CTNNA3: variants seen among roughly 807,000 people sequenced by gnomAD.
The protein encoded by CTNNA3 is catenin alpha-3.
Under a neutral mutation model 95.7 loss-of-function variants are expected in CTNNA3, and 76 were observed. That is an observed-to-expected ratio of 0.79 (90% confidence interval 0.66 to 0.96). CTNNA3 has a LOEUF of 0.96. Ranked by LOEUF, CTNNA3 falls within the 40% of genes least tolerant of loss-of-function variation. The pLI is 0.00. For synonymous variants in CTNNA3, 431 were observed against 374.4 expected (o/e 1.15, Z -1.74); for missense variants, 1,191 against 1,089.8 (o/e 1.09, Z -1.31).
intron 7 of CTNNA3, among the ~76,000 whole-genome samples, chr10:67,020,147 A>C (rs941320755): frequency 2.6e-5 from 4 of 152,210 alleles, no homozygotes; most frequent in African/African-American, 9.6e-5. Flanking sequence ...GGACAGAATT[A>C]TAGTATTTTT....
At chr10:67,599,709 T>G (rs1298364933) in intron 3 of CTNNA3, among the ~76,000 whole-genome samples, 1 of 152,186 alleles carries the variant, frequency 6.6e-6, no homozygotes, top group Non-Finnish European at 1.5e-5. Flanking sequence ...ACAAATTTAA[T>G]AAAATATGTG....
At chr10:66,809,469 T>G (rs1841789318) in intron 7 of CTNNA3, among the ~76,000 whole-genome samples, 1 of 152,206 alleles carries the variant, frequency 6.6e-6, no homozygotes, top group Admixed American at 6.5e-5. Flanking sequence ...TTCTTGGATC[T>G]GGGATCCTCA....
intron 5 of CTNNA3, among the ~76,000 whole-genome samples, chr10:67,331,646 A>T (rs928646232): frequency 6.6e-6 from 1 of 152,164 alleles, no homozygotes; most frequent in Non-Finnish European, 1.5e-5. Context: ...TTGGTAGCAG[A>T]GTGAGATGAA....
At chr10:67,456,827 C>A (rs555112061) in intron 5 of CTNNA3, among the ~76,000 whole-genome samples, 7 of 152,032 alleles carry the variant, frequency 4.6e-5, no homozygotes, top group African/African-American at 7.2e-5. Context: ...ACTTTTTAAC[C>A]CGTAAAATAA....
At chr10:66,843,243 A>C (rs1324019860) in intron 7 of CTNNA3, among the ~76,000 whole-genome samples, 101 of 152,158 alleles carry the variant, frequency 6.6e-4, no homozygotes, top group Non-Finnish European at 5.9e-5. Flanking sequence ...TTACGGGCTC[A>C]CGATCACAGG....
rs535405782 is a variant in CTNNA3, at chr10:65,970,484, T to C, written c.2266-3738A>G. 3.3e-5 allele frequency among the ~76,000 whole-genome samples: 5 copies of C among 152,016 alleles called. No homozygotes were observed. In the South Asian group the frequency reaches 6.2e-4, roughly 19 times the overall value. The stretch of plus-strand genomic sequence containing the variant: ...CACTTAAAAGGCACAGAGTGGCAAG[T>C]TGGATAGAATAACAACATCCATTCA... On this transcript the variant is annotated intron_variant, in intron 16 of 17. Coordinates refer to ENST00000433211, the MANE Select transcript of CTNNA3 (RefSeq NM_013266.4).
chr10:66,428,279 C>T (rs759986607), intron 11 of CTNNA3, among the ~76,000 whole-genome samples: 1 of 152,132 alleles, frequency 6.6e-6, no homozygotes, highest in Non-Finnish European at 1.5e-5. Context: ...TACAAAGAGA[C>T]TTAGACTCCC....
At chr10:67,691,471 A>C (rs1840851063) in intron 1 of CTNNA3, among the ~76,000 whole-genome samples, 2 of 143,418 alleles carry the variant, frequency 1.4e-5, no homozygotes, top group Non-Finnish European at 3.1e-5. Context: ...GGCCACCATC[A>C]CATCTGGGAA....
chr10:66,407,050 C>T (rs2093063074), intron 11 of CTNNA3, among the ~76,000 whole-genome samples: 1 of 152,040 alleles, frequency 6.6e-6, no homozygotes, highest in African/African-American at 2.4e-5. Context: ...TCCTCTGATA[C>T]TAATAAATGC....
chr10:67,514,322 A>C (rs1035787820), intron 5 of CTNNA3, among the ~76,000 whole-genome samples: 4 of 152,070 alleles, frequency 2.6e-5, no homozygotes, highest in Non-Finnish European at 5.9e-5. Context: ...AAATAAAATA[A>C]AACAGTTAGG....
At chr10:66,479,250 A>T (rs1297498737) in intron 11 of CTNNA3, among the ~76,000 whole-genome samples, 3 of 151,788 alleles carry the variant, frequency 2.0e-5, no homozygotes, top group African/African-American at 7.3e-5. Context: ...CTATATTCAT[A>T]TTGAAGTCTA....
rs564991459 is a variant in CTNNA3 at position 66,199,484 on chromosome 10, A to C, written c.1884+80986T>G. On this transcript the variant is annotated intron_variant, in intron 13 of 17. Transcript: ENST00000433211. The stretch of plus-strand genomic sequence containing the variant: ...CAAGCAAAAAAAAAAGAACAACAAA[A>C]CTTCAGTGCTATGTATGTATGGTCT... Among the ~76,000 whole-genome samples the C allele has an allele frequency of 1.4e-4, 22 of 151,846 alleles. No homozygotes were observed. The South Asian group carries it at 4.6e-3, about 32-fold the overall frequency.
intron 5 of CTNNA3, among the ~76,000 whole-genome samples, chr10:67,309,440 A>T (rs892502611): frequency 3.9e-5 from 6 of 152,178 alleles, no homozygotes; most frequent in Non-Finnish European, 8.8e-5. Context: ...ATTGTAAGAT[A>T]AAAGAGAATT....
At chr10:66,564,391 G>GTC (rs1203704693) in intron 10 of CTNNA3, among the ~76,000 whole-genome samples, 3 of 152,100 alleles carry the variant, frequency 2.0e-5, no homozygotes, top group African/African-American at 7.2e-5. Context: ...CAGGGCTATG[G>GTC]TCTAGATGGC....
At chr10:67,208,625 A>T (rs1864009164) in intron 6 of CTNNA3, among the ~76,000 whole-genome samples, 1 of 152,160 alleles carries the variant, frequency 6.6e-6, no homozygotes, top group African/African-American at 2.4e-5. Flanking sequence ...TCTTAATAAG[A>T]GTTTTAGAAG....
chr10:65,982,679 G>T, intron 16 of CTNNA3, among the ~76,000 whole-genome samples: 1 of 149,508 alleles, frequency 6.7e-6, no homozygotes, highest in Non-Finnish European at 1.5e-5. Flanking sequence ...ATATGTGTGT[G>T]TGTATGTATA....
intron 7 of CTNNA3, among the ~76,000 whole-genome samples, chr10:67,103,275 G>A (rs1376212190): frequency 6.6e-6 from 1 of 151,784 alleles, no homozygotes; most frequent in African/African-American, 2.4e-5. Flanking sequence ...AAGCCTGACT[G>A]AACATTTTTC....
chr10:67,621,812 G>A (rs1190212226), intron 2 of CTNNA3, among the ~76,000 whole-genome samples: 1 of 151,350 alleles, frequency 6.6e-6, no homozygotes, highest in African/African-American at 2.4e-5. Flanking sequence ...CCAAGACATA[G>A]AAGGGGCACC....
chr10:65,960,834 A>G (rs142310079), intron 17 of CTNNA3, among the ~76,000 whole-genome samples: 99 of 152,302 alleles, frequency 6.5e-4, no homozygotes, highest in African/African-American at 2.4e-3. Flanking sequence ...ATTCATGTGG[A>G]TGTGAAGGAC....
Sources: gnomAD v4.1 joint callset for allele counts (sites outside exome capture counted in the v4.1 genomes callset) on GRCh38, gnomAD v4.1.1 for gene constraint, MANE v1.5 for transcripts, NCBI Gene and HGNC (gene_info 2026-07-23, HGNC 2026-07-21) for gene names.